The following TAP2 variants were observed in gnomAD, a reference collection of about 807,000 sequenced individuals.
TAP2 encodes antigen peptide transporter 2.
A neutral mutation model predicts 74.7 loss-of-function variants in TAP2; 49 were observed. That is an observed-to-expected ratio of 0.66 (90% CI 0.52 to 0.83). The LOEUF is 0.83. Among genes scored for constraint, TAP2 ranks in the 40% least tolerant of loss-of-function variants. The pLI is 0.00. For synonymous variants in TAP2, 306 were observed against 368.4 expected, an observed-to-expected ratio of 0.83 and a Z score of 1.94; for missense variants, 739 against 859.0, an observed-to-expected ratio of 0.86 and a Z score of 1.75.
chr6:32,827,049 A>C lies in TAP2; in HGVS notation c.*1857T>G, dbSNP rs1435745452. On this transcript the variant is annotated 3_prime_UTR_variant, in exon 12 of 12. Transcript: ENST00000374897. ...GTCAGCCCCAGGATGAAAGAAAGGCAAATCTGCACAAGAAACTGCCCACTC... is the reference window on the plus strand; with the variant it reads ...GTCAGCCCCAGGATGAAAGAAAGGCCAATCTGCACAAGAAACTGCCCACTC... 1.0e-6 allele frequency: 1 copy of C among 985,560 alleles called. No individual in the cohort carries two copies. The highest frequency in any genetic ancestry group is 1.7e-5 in the African/African-American group (1 of 57,228). 61.1% of individuals were successfully genotyped at this position (985,560 alleles called of 1,614,324 possible).
chr6:32,830,424 A>T lies in TAP2; in HGVS notation c.1478T>A (p.Leu493Gln). 1 of 1,613,000 alleles carries T rather than the reference A, an allele frequency of 6.2e-7. No homozygotes were observed. The highest frequency in any genetic ancestry group is 8.5e-7 in the Non-Finnish European group (1 of 1,179,964). ...CAGCGCCGTCACCTCACCAGGACGT[A>T]GGGTAAACGTCAGCCCCTAGAAAAC... ...RPVLKGLTFT[L>Q]RPGEVTALVG... The change falls in exon 9 of 12, where the codon CTA becomes CAA. Residue 493 changes from leucine (L) to glutamine (Q), a missense_variant. Transcript: ENST00000374897.
intron 3 of TAP2, among the ~76,000 whole-genome samples, chr6:32,836,232 C>T (rs925618922): frequency 1.3e-5 from 2 of 152,156 alleles, no homozygotes. Context: ...ATGGGAACTG[C>T]AATAATAAAT....
At position 32,826,833 on chromosome 6, in the gene TAP2, A is replaced by G; in HGVS notation, c.*2073T>C. ...TATAACTGTACTGAGGAAATCAAAG[A>G]ATTTCTCAGATCATCTTCTTCTGTG... On this transcript the variant is annotated 3_prime_UTR_variant, in exon 12 of 12. Coordinates refer to ENST00000374897, the MANE Select transcript of TAP2 (RefSeq NM_001290043.2). 1 of 985,434 alleles carries G rather than the reference A, an allele frequency of 1.0e-6. No individual in the cohort carries two copies. Among genetic ancestry groups the G allele is most frequent in the Non-Finnish European group, 1.2e-6 (1 of 829,930 alleles). 61.0% of individuals were successfully genotyped at this position (985,434 alleles called of 1,614,324 possible).
rs980212737 is a variant in TAP2 at position 32,838,603 on chromosome 6, T to C, written c.-5+50A>G. The C allele has an allele frequency of 4.6e-5, 11 of 240,246 alleles. No individual in the cohort carries two copies. Among genetic ancestry groups the C allele is most frequent in the Non-Finnish European group, 8.0e-5 (10 of 125,384 alleles). The allele number at this position is 240,246 out of a possible 1,614,324, so 14.9% of individuals were successfully genotyped here. A position where few individuals can be genotyped will look rare whatever the true frequency, so the allele number is the denominator to read the frequency against. ...GCAGGAGCGTGGAGTGGGTAGTCAC[T>C]TGGGCTGCGTCCCTGTTGGCGCTCC... On this transcript the variant is annotated intron_variant, in intron 1 of 11. Transcript: ENST00000374897.
Position 32,832,614 on chromosome 6 carries a change from T to A in TAP2, c.1143+13A>T, listed in dbSNP as rs761312047. 42 of 1,612,848 alleles carry A rather than the reference T, an allele frequency of 2.6e-5. No homozygotes were observed. In the Middle Eastern group the frequency reaches 6.6e-4, roughly 25 times the overall value. On this transcript the variant is annotated intron_variant, in intron 6 of 11. Coordinates refer to ENST00000374897, the MANE Select transcript of TAP2 (RefSeq NM_001290043.2). The surrounding 1 kb of genome is among the most constrained non-coding windows in gnomAD (Gnocchi z 5.9). ...TTTCCTGGGCTCCTTTCACAACCAC[T>A]CTGGTATCTTACCCTCCTTACGAGC...
At chr6:32,823,202 G>C (rs933815729), downstream of TAP2, among the ~76,000 whole-genome samples, 1 of 152,092 alleles carries the variant, frequency 6.6e-6, no homozygotes, top group African/African-American at 2.4e-5. Context: ...TTACAGGCAT[G>C]AATCACCAGG....
chr6:32,835,405 G>A lies in TAP2; in HGVS notation c.740-46C>T. On this transcript the variant is annotated intron_variant, in intron 4 of 11. Transcript: ENST00000374897. This position sits in a 1 kb window ranked among gnomAD's most constrained non-coding sequence, Gnocchi z 4.0. ...GAGGAAAAAGGAAACCATGTGTACT[G>A]CAGGGCCCCCAGAAACTCCCTCCTG... 6.2e-7 allele frequency: 1 copy of A among 1,600,710 alleles called. No individual in the cohort carries two copies. Among genetic ancestry groups the A allele is most frequent in the Non-Finnish European group, 8.5e-7 (1 of 1,169,658 alleles).
chr6:32,822,214 A>C, downstream of TAP2: 1 of 1,247,546 alleles, frequency 8.0e-7, no homozygotes, highest in Non-Finnish European at 1.1e-6. Flanking sequence ...TCCTGAAAAA[A>C]TAAATGTTGG....
chr6:32,837,615 A>G lies in TAP2; in HGVS notation c.530T>C (p.Ile177Thr), dbSNP rs773631057. The stretch of plus-strand genomic sequence containing the variant: ...GTCAAAATCACCTCCCAGGATGTCA[A>G]TCACACGACCAGAATAGTGAGGGAT... Reference protein sequence around the residue: ...TLIPHYSGRVIDILGGDFDPH... With the variant: ...TLIPHYSGRVTDILGGDFDPH... The change falls in exon 3 of 12, where the codon ATT (isoleucine) becomes ACT (threonine). Residue 177 changes from isoleucine to threonine, a missense_variant. Physicochemically the swap from Ile to Thr is moderately conservative, Grantham distance 89 (BLOSUM62 -1). Transcript: ENST00000374897. 1.9e-6 allele frequency: 3 copies of G among 1,614,160 alleles called. No homozygotes were observed. The highest frequency in any genetic ancestry group is 2.5e-6 in the Non-Finnish European group (3 of 1,180,010).
downstream of TAP2, among the ~76,000 whole-genome samples, chr6:32,825,109 T>A (rs41316544): frequency 0.032 from 4,803 of 148,018 alleles, 125 homozygotes; most frequent in East Asian, 0.047. Flanking sequence ...ATTTTAAAAA[T>A]TAACACTGTC....
chr6:32,838,136 T>C lies in TAP2; in HGVS notation c.98A>G (p.Gln33Arg). 6.2e-7 allele frequency: 1 copy of C among 1,607,748 alleles called. No individual in the cohort carries two copies. The highest frequency in any genetic ancestry group is 1.3e-5 in the African/African-American group (1 of 74,382). The change falls in exon 2 of 12, where the codon CAA becomes CGA. Residue 33 changes from glutamine (Q) to arginine (R), a missense_variant. Coordinates refer to ENST00000374897, the MANE Select transcript of TAP2 (RefSeq NM_001290043.2). The stretch of plus-strand genomic sequence containing the variant: ...CTCCAGCCATAGTCCTGGCAGCCCT[T>C]GAGGAAGCAAAGTCCCCAGAGGGCC... The part of the protein sequence containing the change: ...LQGPLGTLLP[Q>R]GLPGLWLEGT...
chr6:32,838,386 C>A, intron 1 of TAP2, 149 bp from the exon 2 acceptor site: 1 of 1,059,686 alleles, frequency 9.4e-7, no homozygotes, highest in Non-Finnish European at 1.3e-6. Context: ...AACCGGTGCT[C>A]ATCCGTACAC....
At chr6:32,833,833 C>G (rs144687574) in intron 5 of TAP2, among the ~76,000 whole-genome samples, 145 of 152,278 alleles carry the variant, frequency 9.5e-4, no homozygotes, top group African/African-American at 3.3e-3. Context: ...GAGGGCAAGT[C>G]TTTCCCATGC....
At chr6:32,822,691 T>A (rs73410781), downstream of TAP2, among the ~76,000 whole-genome samples, 2,749 of 151,662 alleles carry the variant, frequency 0.018, 37 homozygotes, top group Non-Finnish European at 0.028. Context: ...AGCCACCACA[T>A]CTGGCTAATT....
chr6:32,822,295 TATC>T, downstream of TAP2: 1 of 1,553,944 alleles, frequency 6.4e-7, no homozygotes, highest in Non-Finnish European at 8.8e-7. Context: ...AAATTCAAAA[TATC>T]ATGAACTTCC....
chr6:32,835,259 C>A lies in TAP2; in HGVS notation c.840G>T (p.Gly280=). The change falls in exon 5 of 12, where the codon GGG becomes GGT. Residue 280 remains glycine, a synonymous_variant. Coordinates refer to ENST00000374897, the MANE Select transcript of TAP2 (RefSeq NM_001290043.2). The surrounding 1 kb of genome is among the most constrained non-coding windows in gnomAD (Gnocchi z 4.0). ...ATATGCTGAGCATGAAGCCATACAGCCCCACCACTTTCACCAGGCTTCGCA... is the reference window on the plus strand; with the variant it reads ...ATATGCTGAGCATGAAGCCATACAGACCCACCACTTTCACCAGGCTTCGCA... ...VLLRSLVKVV[G]LYGFMLSISP... is the part of the protein sequence containing the mutation. 6.2e-7 allele frequency: 1 copy of A among 1,613,068 alleles called. No homozygotes were observed. Among genetic ancestry groups the A allele is most frequent in the East Asian group, 2.2e-5 (1 of 44,880 alleles).
intron 10 of TAP2, 148 bp from the exon 11 acceptor site, chr6:32,829,684 G>T: frequency 1.5e-6 from 2 of 1,332,488 alleles, no homozygotes; most frequent in Non-Finnish European, 1.1e-6. Context: ...GGAGGGCCAT[G>T]GGGTGGGGAC....
rs1768758418 is a variant in TAP2, at chr6:32,827,834, C to G, written c.*1072G>C. On this transcript the variant is annotated 3_prime_UTR_variant, in exon 12 of 12. Coordinates refer to ENST00000374897, the MANE Select transcript of TAP2 (RefSeq NM_001290043.2). ...TGTGACACAGAATTTAGAAAAATGA[C>G]TTTGTGAAGAATGGCCGGAAGAGGG... is the stretch of plus-strand genomic sequence containing the variant. 1 of 866,642 alleles carries G rather than the reference C, an allele frequency of 1.2e-6. No homozygotes were observed. Among genetic ancestry groups the G allele is most frequent in the African/African-American group, 2.2e-5 (1 of 45,534 alleles). The allele number at this position is 866,642 out of a possible 1,614,324, so 53.7% of individuals were successfully genotyped here. A position where few individuals can be genotyped will look rare whatever the true frequency, so the allele number is the denominator to read the frequency against.
downstream of TAP2, among the ~76,000 whole-genome samples, chr6:32,824,242 T>C (rs991888310): frequency 1.3e-5 from 2 of 152,166 alleles, no homozygotes; most frequent in Admixed American, 1.3e-4. Flanking sequence ...TTTAGTATAA[T>C]GTTCTGGTGA....
Sources: gnomAD v4.1 joint callset for allele counts (sites outside exome capture counted in the v4.1 genomes callset) on GRCh38, gnomAD v4.1.1 for gene constraint, Gnocchi (gnomAD v3.1) non-coding constraint, MANE v1.5 for transcripts, NCBI Gene and HGNC (gene_info 2026-07-23, HGNC 2026-07-21) for gene names.